The following TRPM3 variants were observed in gnomAD, a reference collection of about 807,000 sequenced individuals.
TRPM3 encodes long transient receptor potential channel 3.
A neutral mutation model predicts 181.2 loss-of-function variants in TRPM3; 77 were observed. That is an observed-to-expected ratio of 0.42 (90% CI 0.35 to 0.51). TRPM3 has a LOEUF of 0.51. Ranked by LOEUF, TRPM3 falls within the 20% of genes least tolerant of loss-of-function variation. The pLI is 0.01. For synonymous variants in TRPM3, 745 were observed against 796.4 expected (o/e 0.94, Z 1.09); for missense variants, 1,759 against 2,196.7 (o/e 0.80, Z 3.98).
chr9:70,625,978 T>C lies in TRPM3; in HGVS notation c.1633-461A>G, dbSNP rs2064518219. Among the ~76,000 whole-genome samples the C allele has an allele frequency of 6.6e-6, 1 of 152,138 alleles. No individual in the cohort carries two copies. On this transcript the variant is annotated intron_variant, in intron 12 of 25. Transcript: ENST00000677713. This position sits in a 1 kb window ranked among gnomAD's most constrained non-coding sequence, Gnocchi z 4.8. The stretch of plus-strand genomic sequence containing the variant: ...GGTTGTATATGAACATCCCTTGCAT[T>C]TAAAGAGAAGGGGGAGAGAAATTGG...
intron 1 of TRPM3, among the ~76,000 whole-genome samples, chr9:71,148,218 A>G (rs2075538311): frequency 6.6e-6 from 1 of 152,206 alleles, no homozygotes; most frequent in Admixed American, 6.5e-5. Flanking sequence ...TCACATAACA[A>G]ACTTTTAAAA....
chr9:71,358,266 T>C lies in TRPM3; in HGVS notation c.183+88387A>G, dbSNP rs971189396. ...TATTGTTGATGCTTTTTCTTTTTGG[T>C]TTTATCTATAAATAATTCATTCATT... On this transcript the variant is annotated intron_variant, in intron 1 of 24. Coordinates refer to the TRPM3 transcript ENST00000357533. Among the ~76,000 whole-genome samples the C allele has an allele frequency of 3.3e-4, 51 of 152,278 alleles. 1 individual carries two copies. The highest frequency in any genetic ancestry group is 1.2e-3 in the African/African-American group (51 of 41,574).
At chr9:70,958,080 T>A (rs1233686991) in intron 1 of TRPM3, among the ~76,000 whole-genome samples, 3 of 152,106 alleles carry the variant, frequency 2.0e-5, no homozygotes, top group African/African-American at 7.2e-5. Flanking sequence ...TGACAAGAGA[T>A]GGATGATCTA....
At chr9:71,042,493 G>A (rs768351204) in intron 1 of TRPM3, among the ~76,000 whole-genome samples, 3 of 151,714 alleles carry the variant, frequency 2.0e-5, no homozygotes, top group Admixed American at 6.6e-5. Flanking sequence ...GCACATAGTG[G>A]GTGTTCGATA....
At chr9:70,921,947 ACACACACAC>A (rs1564766563) in intron 1 of TRPM3, among the ~76,000 whole-genome samples, 5 of 150,220 alleles carry the variant, frequency 3.3e-5, no homozygotes, top group South Asian at 4.2e-4. Flanking sequence ...AAACAAACAC[ACACACACAC>A]ACACACACAC....
At chr9:70,639,831 T>G (rs968761538) in intron 10 of TRPM3, among the ~76,000 whole-genome samples, 1 of 152,170 alleles carries the variant, frequency 6.6e-6, no homozygotes, top group African/African-American at 2.4e-5. Context: ...ATGTTAGCAA[T>G]CCACCAGCAC....
chr9:70,689,290 A>G (rs575872761), intron 8 of TRPM3, among the ~76,000 whole-genome samples: 2 of 152,246 alleles, frequency 1.3e-5, no homozygotes, highest in South Asian at 4.1e-4. Flanking sequence ...ATTATTTAAA[A>G]CTATTTAAAA....
chr9:70,617,065 G>A (rs1000483595), intron 17 of TRPM3, among the ~76,000 whole-genome samples: 1 of 152,198 alleles, frequency 6.6e-6, no homozygotes, highest in Non-Finnish European at 1.5e-5. Flanking sequence ...CTGAAGTAAT[G>A]AGGCAGGAAC....
At chr9:71,007,267 G>C (rs1204829855) in intron 1 of TRPM3, among the ~76,000 whole-genome samples, 1 of 151,624 alleles carries the variant, frequency 6.6e-6, no homozygotes, top group East Asian at 1.9e-4. Context: ...AACAGTGTGG[G>C]TACTTCACCA....
At chr9:71,433,523 G>A (rs1251640760) in intron 1 of TRPM3, among the ~76,000 whole-genome samples, 2 of 152,098 alleles carry the variant, frequency 1.3e-5, no homozygotes, top group African/African-American at 2.4e-5. Context: ...ACCCACTCTC[G>A]GGTATGTCTT....
chr9:71,279,747 T>C (rs997029773), intron 1 of TRPM3, among the ~76,000 whole-genome samples: 1 of 152,122 alleles, frequency 6.6e-6, no homozygotes, highest in African/African-American at 2.4e-5. Context: ...CAATGCTGAC[T>C]GATGTTTTTT....
chr9:70,628,754 T>C (rs1183455562), intron 12 of TRPM3, among the ~76,000 whole-genome samples: 1 of 139,710 alleles, frequency 7.2e-6, no homozygotes, highest in African/African-American at 2.7e-5. Flanking sequence ...GGGAGGCAGA[T>C]GTTGAAGTGA....
In TRPM3 at chr9:71,286,987, AATTAT is replaced by A. The variant is rs1017924907; in HGVS notation, c.183+159661_183+159665del. Among the ~76,000 whole-genome samples the A allele has an allele frequency of 4.5e-4, 64 of 142,618 alleles. 1 individual carries two copies. Among genetic ancestry groups the A allele is most frequent in the African/African-American group, 1.4e-3 (53 of 39,040 alleles). 93.6% of individuals were successfully genotyped at this position (142,618 alleles called of 152,430 possible). On this transcript the variant is annotated intron_variant, in intron 1 of 24. Transcript: ENST00000357533. Reference sequence around the variant, plus strand: ...TATATATAATATAATTATATTATATAATTATATTATATAATATACAACATATAATA... The same window carrying A: ...TATATATAATATAATTATATTATATAATTATATAATATACAACATATAATA...
intron 6 of TRPM3, among the ~76,000 whole-genome samples, chr9:70,794,035 G>A (rs1175727142): frequency 6.6e-6 from 1 of 152,014 alleles, no homozygotes; most frequent in Non-Finnish European, 1.5e-5. Flanking sequence ...CATCATAATT[G>A]GAGCAGCGTC....
At chr9:70,981,542 G>T (rs1025968466) in intron 1 of TRPM3, among the ~76,000 whole-genome samples, 1 of 152,044 alleles carries the variant, frequency 6.6e-6, no homozygotes, top group Admixed American at 6.6e-5. Flanking sequence ...GGAGGTACTG[G>T]GTTTTAGTCC....
chr9:70,591,118 C>T lies in TRPM3; in HGVS notation c.3136G>A (p.Glu1046Lys), dbSNP rs778162509. The change falls in exon 22 of 26, where the codon GAG (glutamate) becomes AAG (lysine). Residue 1046 changes from glutamate (E) to lysine (K), a missense_variant. Transcript: ENST00000677713. ...VARQAILFPN[E>K]EPSWKLAKNI... The stretch of plus-strand genomic sequence containing the variant: ...TTGGCCAGTTTCCATGATGGCTCCT[C>T]ATTGGGAAAAAGGATGGCTTGCCTG... 1.2e-6 allele frequency: 2 copies of T among 1,614,136 alleles called. No individual in the cohort carries two copies. Among genetic ancestry groups the T allele is most frequent in the Non-Finnish European group, 1.7e-6 (2 of 1,180,022 alleles).
chr9:70,769,514 C>T (rs1181109236), intron 7 of TRPM3, among the ~76,000 whole-genome samples: 1 of 151,944 alleles, frequency 6.6e-6, no homozygotes, highest in African/African-American at 2.4e-5. Context: ...AGTTGTAAGA[C>T]TATTAAGCTT....
intron 1 of TRPM3, among the ~76,000 whole-genome samples, chr9:70,953,303 T>C (rs2097025397): frequency 6.6e-6 from 1 of 152,156 alleles, no homozygotes; most frequent in African/African-American, 2.4e-5. Context: ...GGAGACTGTG[T>C]CCATGAACAT....
chr9:71,028,841 C>T (rs542693113), intron 1 of TRPM3, among the ~76,000 whole-genome samples: 2 of 152,202 alleles, frequency 1.3e-5, no homozygotes, highest in African/African-American at 4.8e-5. Flanking sequence ...GAGACTTCAA[C>T]ACCCCACTGA....
Sources: gnomAD v4.1 joint callset for allele counts (sites outside exome capture counted in the v4.1 genomes callset) on GRCh38, gnomAD v4.1.1 for gene constraint, Gnocchi (gnomAD v3.1) non-coding constraint, MANE v1.5 for transcripts, NCBI Gene and HGNC (gene_info 2026-07-23, HGNC 2026-07-21) for gene names.